The following HTR1F variants were observed in gnomAD, a reference collection of about 807,000 sequenced individuals.
The protein encoded by HTR1F is 5-hydroxytryptamine (serotonin) receptor 1F, G protein-coupled.
A neutral mutation model predicts 24.0 loss-of-function variants in HTR1F; 17 were observed. The ratio of observed to expected loss-of-function variants is 0.71; its 90% CI spans 0.48 to 1.06. The LOEUF (loss-of-function observed/expected upper bound fraction) is 1.06, where lower values mean the gene tolerates loss of function less well. Ranked by LOEUF, HTR1F falls within the 50% of genes least tolerant of loss-of-function variation. The probability of loss-of-function intolerance (pLI) is 0.00; values close to 1 mark genes in which losing one functional copy is unlikely to be tolerated. For missense variants in HTR1F, 391 were observed against 427.8 expected, an observed-to-expected ratio of 0.91 and a Z score of 0.76; for synonymous variants, 186 against 156.8, an observed-to-expected ratio of 1.19 and a Z score of -1.39.
chr3:87,829,093 T>C lies in HTR1F; in HGVS notation c.-43+6969T>C, dbSNP rs369319665. ...AAAGATCTGTCCTGTGCTTTATTTG[T>C]GAGGCTGTGAAGGAGACTTCTATGG... On this transcript the variant is annotated intron_variant, in intron 2 of 2. Coordinates refer to ENST00000319595, the MANE Select transcript of HTR1F (RefSeq NM_001322209.2). Among the ~76,000 whole-genome samples, 6 of 152,090 alleles carry C rather than the reference T, an allele frequency of 3.9e-5. No homozygotes were observed. The East Asian group carries it at 1.2e-3, about 29-fold the overall frequency.
chr3:87,863,060 C>A (rs181969094), intron 2 of HTR1F, among the ~76,000 whole-genome samples: 14 of 152,324 alleles, frequency 9.2e-5, no homozygotes, highest in Non-Finnish European at 1.8e-4. Flanking sequence ...AAGTGATCCA[C>A]CCACCTTGGC....
chr3:87,957,764 A>G (rs941537536), intron 2 of HTR1F, among the ~76,000 whole-genome samples: 7 of 151,102 alleles, frequency 4.6e-5, no homozygotes, highest in Non-Finnish European at 8.9e-5. Flanking sequence ...TTCATTTCTG[A>G]TATTGCTGAT....
chr3:87,981,003 G>T (rs1431044420), intron 2 of HTR1F, among the ~76,000 whole-genome samples: 3 of 152,030 alleles, frequency 2.0e-5, no homozygotes, highest in Non-Finnish European at 4.4e-5. Context: ...ACCTGGGGGG[G>T]TGGGGCTCCC....
chr3:87,872,000 G>A (rs538330847), intron 2 of HTR1F, among the ~76,000 whole-genome samples: 6 of 152,228 alleles, frequency 3.9e-5, no homozygotes, highest in African/African-American at 1.4e-4. Context: ...TAGGTAAGAT[G>A]TTAGGTCACA....
chr3:87,906,186 T>C (rs1703664210), intron 2 of HTR1F, among the ~76,000 whole-genome samples: 1 of 152,030 alleles, frequency 6.6e-6, no homozygotes, highest in Non-Finnish European at 1.5e-5. Context: ...GGCTATAGAG[T>C]AACTTTTGAA....
At chr3:87,935,887 G>A (rs532478700) in intron 2 of HTR1F, among the ~76,000 whole-genome samples, 22 of 151,612 alleles carry the variant, frequency 1.5e-4, no homozygotes, top group South Asian at 2.1e-4. Context: ...GTCTCGCTCT[G>A]TCACCCAGGC....
chr3:87,910,626 T>G (rs377014497), intron 2 of HTR1F, among the ~76,000 whole-genome samples: 2 of 152,080 alleles, frequency 1.3e-5, no homozygotes, highest in Non-Finnish European at 2.9e-5. Flanking sequence ...ATGGATCTTA[T>G]AGACCTCTAC....
At chr3:87,985,939 C>T (rs776563078) in intron 2 of HTR1F, among the ~76,000 whole-genome samples, 11 of 152,206 alleles carry the variant, frequency 7.2e-5, no homozygotes, top group Non-Finnish European at 1.3e-4. Flanking sequence ...AATTGGCAAA[C>T]ATTCATGTTG....
intron 2 of HTR1F, among the ~76,000 whole-genome samples, chr3:87,919,243 A>C (rs757092863): frequency 2.3e-4 from 35 of 152,156 alleles, no homozygotes; most frequent in Non-Finnish European, 1.8e-4. Flanking sequence ...TAAGGACTTA[A>C]ATCTAAGACT....
intron 2 of HTR1F, among the ~76,000 whole-genome samples, chr3:87,883,688 G>A (rs1297650883): frequency 6.6e-6 from 1 of 152,120 alleles, no homozygotes; most frequent in Non-Finnish European, 1.5e-5. Context: ...CGAGAACTAC[G>A]TGATGCATGC....
intron 2 of HTR1F, among the ~76,000 whole-genome samples, chr3:87,933,816 TTAAAC>T (rs1282944561): frequency 1.3e-5 from 2 of 152,204 alleles, no homozygotes; most frequent in Non-Finnish European, 2.9e-5. Context: ...TAGTCTTTCT[TTAAAC>T]TAACACATAA....
chr3:87,819,994 T>G (rs940845181), intron 1 of HTR1F, among the ~76,000 whole-genome samples: 37 of 152,242 alleles, frequency 2.4e-4, no homozygotes, highest in African/African-American at 8.7e-4. Context: ...AATTTTAATA[T>G]TCTGCTTTTT....
At chr3:87,951,114 C>G (rs535995847) in intron 2 of HTR1F, among the ~76,000 whole-genome samples, 2 of 152,190 alleles carry the variant, frequency 1.3e-5, no homozygotes, top group African/African-American at 2.4e-5. Flanking sequence ...TTGGAAAACC[C>G]TAACAACTGT....
chr3:87,893,362 C>A (rs1054813735), intron 2 of HTR1F, among the ~76,000 whole-genome samples: 2 of 152,130 alleles, frequency 1.3e-5, no homozygotes, highest in East Asian at 3.9e-4. Context: ...ATTCCACCTA[C>A]AGTTATGTGC....
chr3:87,912,658 CA>C (rs1186423198), intron 2 of HTR1F, among the ~76,000 whole-genome samples: 2 of 126,384 alleles, frequency 1.6e-5, no homozygotes, highest in African/African-American at 6.0e-5. Context: ...AAAAACAAAG[CA>C]GGAAGCATCA....
chr3:87,848,092 T>C (rs1201919504), intron 2 of HTR1F, among the ~76,000 whole-genome samples: 2 of 151,894 alleles, frequency 1.3e-5, no homozygotes, highest in Non-Finnish European at 2.9e-5. Context: ...GAAATCTTAA[T>C]ACTGTTTTCC....
chr3:87,988,714 G>A (rs533412941), intron 2 of HTR1F, among the ~76,000 whole-genome samples: 333 of 151,850 alleles, frequency 2.2e-3, no homozygotes, highest in Non-Finnish European at 3.8e-3. Flanking sequence ...GACTACAGGC[G>A]TGTGCCACCA....
At chr3:87,966,719 A>G (rs1384070957) in intron 2 of HTR1F, among the ~76,000 whole-genome samples, 1 of 152,218 alleles carries the variant, frequency 6.6e-6, no homozygotes, top group Non-Finnish European at 1.5e-5. Flanking sequence ...CATAAGATAA[A>G]AGATAACCCC....
At chr3:87,887,391 A>T (rs570862812) in intron 2 of HTR1F, among the ~76,000 whole-genome samples, 23 of 152,338 alleles carry the variant, frequency 1.5e-4, no homozygotes, top group African/African-American at 3.4e-4. Flanking sequence ...AACCTAGGCA[A>T]TACCATTCAT....
Sources: allele counts gnomAD v4.1 joint callset (sites outside exome capture counted in the v4.1 genomes callset), GRCh38; gene constraint gnomAD v4.1.1; transcripts MANE v1.5; gene names NCBI Gene and HGNC (gene_info 2026-07-23, HGNC 2026-07-21).